GXYLT1: variants seen among roughly 807,000 people sequenced by gnomAD.
GXYLT1 encodes the protein glucoside xylosyltransferase 1, also known as glycosyltransferase 8 domain containing 3.
A neutral mutation model predicts 54.0 loss-of-function variants in GXYLT1; 29 were observed. That is an observed-to-expected ratio of 0.54 (90% confidence interval 0.40 to 0.73). GXYLT1 has a LOEUF of 0.73. GXYLT1 is among the 30% of genes least tolerant of loss of function. GXYLT1 has a pLI of 0.00. For synonymous variants in GXYLT1, 176 were observed against 204.1 expected (o/e 0.86, Z 1.17); for missense variants, 490 against 553.4 (o/e 0.89, Z 1.15).
At chr12:42,103,841 C>T (rs1479574513) in intron 5 of GXYLT1, among the ~76,000 whole-genome samples, 2 of 151,612 alleles carry the variant, frequency 1.3e-5, no homozygotes, top group African/African-American at 4.8e-5. Context: ...TATTCCAACT[C>T]CCATAACTAC....
At chr12:42,097,709 CAAGT>C (rs2065364259) in intron 6 of GXYLT1, 95 bp from the exon 7 acceptor site, 4 of 1,204,782 alleles carry the variant, frequency 3.3e-6, no homozygotes, top group East Asian at 2.4e-5. Flanking sequence ...ACAGCTCTTA[CAAGT>C]AAGAATTAAT....
At chr12:42,127,710 C>T (rs933399745) in intron 2 of GXYLT1, among the ~76,000 whole-genome samples, 1 of 152,176 alleles carries the variant, frequency 6.6e-6, no homozygotes, top group Non-Finnish European at 1.5e-5. Context: ...TTCAAGTTTA[C>T]CCAGCTTCAA....
At chr12:42,100,798 A>C (rs983291679) in intron 5 of GXYLT1, among the ~76,000 whole-genome samples, 2 of 152,156 alleles carry the variant, frequency 1.3e-5, no homozygotes, top group Non-Finnish European at 2.9e-5. Flanking sequence ...CACAAGGACA[A>C]AAACCAGGAA....
chr12:42,120,691 C>G (rs2065525621), intron 2 of GXYLT1, among the ~76,000 whole-genome samples: 1 of 148,838 alleles, frequency 6.7e-6, no homozygotes, highest in Non-Finnish European at 1.5e-5. Flanking sequence ...ACCACCATGT[C>G]CAACTAATCT....
At chr12:42,121,077 G>A (rs1198969849) in intron 2 of GXYLT1, among the ~76,000 whole-genome samples, 1 of 152,104 alleles carries the variant, frequency 6.6e-6, no homozygotes, top group African/African-American at 2.4e-5. Flanking sequence ...TTAAAAACTA[G>A]GCAATCAAGA....
intron 2 of GXYLT1, among the ~76,000 whole-genome samples, chr12:42,123,737 T>C (rs1219329522): frequency 2.0e-5 from 3 of 152,044 alleles, no homozygotes; most frequent in Admixed American, 6.6e-5. Flanking sequence ...CAAACTACCA[T>C]TGAAGTATAT....
chr12:42,131,477 G>A (rs2065593722), intron 1 of GXYLT1, among the ~76,000 whole-genome samples: 1 of 152,104 alleles, frequency 6.6e-6, no homozygotes, highest in Non-Finnish European at 1.5e-5. Flanking sequence ...TGGCACTGGT[G>A]GTTTTTAAAA....
intron 1 of GXYLT1, among the ~76,000 whole-genome samples, chr12:42,136,498 G>A (rs945142287): frequency 6.6e-6 from 1 of 152,018 alleles, no homozygotes; most frequent in African/African-American, 2.4e-5. Flanking sequence ...TTTTCACTGT[G>A]GATCAAACTG....
chr12:42,105,429 T>C (rs1037988708), intron 5 of GXYLT1, among the ~76,000 whole-genome samples: 6 of 152,176 alleles, frequency 3.9e-5, no homozygotes, highest in Admixed American at 6.5e-5. Context: ...AACAAACAGG[T>C]TGCAGAGTCT....
At chr12:42,140,946 G>T (rs1446644030) in intron 1 of GXYLT1, among the ~76,000 whole-genome samples, 1 of 152,156 alleles carries the variant, frequency 6.6e-6, no homozygotes, top group Non-Finnish European at 1.5e-5. Context: ...AGTGATGTCC[G>T]GTAATAACTA....
chr12:42,138,775 C>T (rs2065635495), intron 1 of GXYLT1, among the ~76,000 whole-genome samples: 1 of 152,102 alleles, frequency 6.6e-6, no homozygotes, highest in Admixed American at 6.5e-5. Flanking sequence ...CATGCCTGCA[C>T]TTTGGGAGGC....
rs754481571 is a variant in GXYLT1, at chr12:42,126,615, G to A, written c.314+3144C>T. ...TAAGCTCAGGATTCAAGATTAGGCC[G>A]GGGGCGGTGGCTCATGCCTGTAATT... On this transcript the variant is annotated intron_variant, in intron 2 of 7. Coordinates refer to ENST00000398675, the MANE Select transcript of GXYLT1 (RefSeq NM_173601.2). Among the ~76,000 whole-genome samples, 11 of 152,074 alleles carry A rather than the reference G, an allele frequency of 7.2e-5. 1 individual carries two copies. The highest frequency in any genetic ancestry group is 5.2e-4 in the Admixed American group (8 of 15,258).
In GXYLT1 at chr12:42,144,651, C is replaced by G; in HGVS notation, c.-5G>C. The G allele has an allele frequency of 6.9e-7, 1 of 1,440,354 alleles. No individual in the cohort carries two copies. The allele number at this position is 1,440,354 out of a possible 1,614,324, so 89.2% of individuals were successfully genotyped here. Reference sequence around the variant, plus strand: ...GACGCGCAGGTAGCGCCGCATCGCCCCGGCCGCGCTCCTCCTTCGCCGCCG... The same window carrying G: ...GACGCGCAGGTAGCGCCGCATCGCCGCGGCCGCGCTCCTCCTTCGCCGCCG... On this transcript the variant is annotated 5_prime_UTR_variant, in exon 1 of 8. Transcript: ENST00000398675.
rs1183987005 is a variant in GXYLT1 at position 42,087,944 on chromosome 12, A to C, written c.1165T>G (p.Ser389Ala). 6.7e-7 allele frequency: 1 copy of C among 1,488,290 alleles called. No homozygotes were observed. The highest frequency in any genetic ancestry group is 9.0e-7 in the Non-Finnish European group (1 of 1,106,326). 92.2% of individuals were successfully genotyped at this position (1,488,290 alleles called of 1,614,324 possible). Residue 389 changes from serine to alanine, a missense_variant, in exon 8 of 8, where the codon TCT becomes GCT. By Grantham distance (99) the Ser-to-Ala change is moderately conservative. Transcript: ENST00000398675. Reference protein sequence around the residue: ...RAVYEALRNCSFEDDNIRSLL... With the variant: ...RAVYEALRNCAFEDDNIRSLL... The stretch of plus-strand genomic sequence containing the variant: ...GAACGGATGTTGTCATCTTCAAAAG[A>C]ACACTAGAGAAAGAAAATTTTAAAA...
At chr12:42,092,844 A>AC (rs1454593899) in intron 7 of GXYLT1, among the ~76,000 whole-genome samples, 1 of 152,176 alleles carries the variant, frequency 6.6e-6, no homozygotes, top group Admixed American at 6.5e-5. Flanking sequence ...ACTAACGCTA[A>AC]CAATAATGAG....
At chr12:42,099,882 A>G (rs865882233) in intron 5 of GXYLT1, among the ~76,000 whole-genome samples, 2 of 152,294 alleles carry the variant, frequency 1.3e-5, no homozygotes, top group Middle Eastern at 6.8e-3. Flanking sequence ...ATATTAATAG[A>G]TATCCTTATC....
Position 42,086,616 on chromosome 12 carries a change from A to G in GXYLT1, c.*1170T>C, listed in dbSNP as rs2065294907. On this transcript the variant is annotated 3_prime_UTR_variant, in exon 8 of 8. Transcript: ENST00000398675. ...AACAGGTCAAGAATGCCAAAGAAGT[A>G]ATTTCTCAAGATTTAAAAAAATTAA... is the stretch of plus-strand genomic sequence containing the variant. The G allele has an allele frequency of 6.6e-6, 1 of 152,190 alleles. No homozygotes were observed. The highest frequency in any genetic ancestry group is 1.9e-4 in the East Asian group (1 of 5,202). 9.4% of individuals were successfully genotyped at this position (152,190 alleles called of 1,614,324 possible). A position where few individuals can be genotyped will look rare whatever the true frequency, so the allele number is the denominator to read the frequency against.
chr12:42,112,363 G>T (rs149528010), intron 3 of GXYLT1, among the ~76,000 whole-genome samples: 1 of 152,018 alleles, frequency 6.6e-6, no homozygotes, highest in Non-Finnish European at 1.5e-5. Context: ...GAGGAAATTC[G>T]AACCAATGGC....
chr12:42,088,529 A>G (rs1322984847), intron 7 of GXYLT1, among the ~76,000 whole-genome samples: 3 of 152,146 alleles, frequency 2.0e-5, no homozygotes, highest in Non-Finnish European at 4.4e-5. Flanking sequence ...CTAAAAAGTA[A>G]AACAGAAAAT....
Sources: allele counts gnomAD v4.1 joint callset (sites outside exome capture counted in the v4.1 genomes callset), GRCh38; gene constraint gnomAD v4.1.1; transcripts MANE v1.5; gene names NCBI Gene and HGNC (gene_info 2026-07-23, HGNC 2026-07-21).